The following PCDH9 variants were observed in gnomAD, a reference collection of about 807,000 sequenced individuals.
PCDH9 encodes protocadherin-9.
A neutral mutation model predicts 70.6 loss-of-function variants in PCDH9; 24 were observed. The observed-to-expected ratio is 0.34, with a 90% CI of 0.25 to 0.48. The LOEUF is 0.48. PCDH9 is among the 20% of genes least tolerant of loss of function. The pLI, the probability that PCDH9 is intolerant of heterozygous loss-of-function variation, is 0.99. For missense variants in PCDH9, 1,281 were observed against 1,503.6 expected, an observed-to-expected ratio of 0.85 and a Z score of 2.45; for synonymous variants, 562 against 558.5, an observed-to-expected ratio of 1.01 and a Z score of -0.09.
At chr13:66,369,211 T>A (rs550599401) in intron 4 of PCDH9, among the ~76,000 whole-genome samples, 5 of 152,248 alleles carry the variant, frequency 3.3e-5, no homozygotes, top group African/African-American at 1.2e-4. Context: ...TGCAACTACA[T>A]AGATACTTTG....
intron 4 of PCDH9, among the ~76,000 whole-genome samples, chr13:66,423,399 C>T (rs1047614459): frequency 6.6e-6 from 1 of 151,664 alleles, no homozygotes; most frequent in Admixed American, 6.6e-5. Context: ...AGGCTAATAT[C>T]CCTGATGAAC....
intron 2 of PCDH9, among the ~76,000 whole-genome samples, chr13:66,943,845 C>T (rs2083045276): frequency 6.6e-6 from 1 of 151,956 alleles, no homozygotes; most frequent in African/African-American, 2.4e-5. Context: ...CCAATATGGG[C>T]CAGGAAGCTT....
intron 4 of PCDH9, among the ~76,000 whole-genome samples, chr13:66,535,009 C>T (rs1482859528): frequency 6.6e-6 from 1 of 152,000 alleles, no homozygotes; most frequent in African/African-American, 2.4e-5. Context: ...CTAAATGGCT[C>T]TGTAATAAAG....
At chr13:67,119,045 T>A (rs1378046328) in intron 2 of PCDH9, among the ~76,000 whole-genome samples, 4 of 152,106 alleles carry the variant, frequency 2.6e-5, no homozygotes, top group African/African-American at 9.7e-5. Flanking sequence ...CTGTGTAAGA[T>A]CATGTTTAGA....
intron 3 of PCDH9, among the ~76,000 whole-genome samples, chr13:66,773,415 T>G (rs1309075572): frequency 6.6e-6 from 1 of 151,626 alleles, no homozygotes; most frequent in Non-Finnish European, 1.5e-5. Context: ...GATCGCGAGG[T>G]CAGGAGATAG....
intron 4 of PCDH9, among the ~76,000 whole-genome samples, chr13:66,497,973 T>A (rs1289115464): frequency 6.6e-6 from 1 of 150,490 alleles, no homozygotes. Context: ...ACACCCACCA[T>A]GACGCCCAAC....
chr13:66,568,927 G>A (rs1295827347), intron 4 of PCDH9, among the ~76,000 whole-genome samples: 1 of 148,532 alleles, frequency 6.7e-6, no homozygotes, highest in Non-Finnish European at 1.5e-5. Context: ...CAAATACTAA[G>A]TACTATGTAG....
intron 2 of PCDH9, among the ~76,000 whole-genome samples, chr13:66,953,627 C>T (rs901855914): frequency 1.3e-5 from 2 of 152,188 alleles, no homozygotes; most frequent in African/African-American, 2.4e-5. Context: ...ACAAGTCTGT[C>T]CTACCCCTGC....
At chr13:66,890,266 C>T (rs953976105) in intron 3 of PCDH9, among the ~76,000 whole-genome samples, 2 of 151,984 alleles carry the variant, frequency 1.3e-5, no homozygotes, top group African/African-American at 2.4e-5. Flanking sequence ...CCTAGCTACA[C>T]TTTTTAAAAT....
At chr13:66,914,651 T>C (rs1190945367) in intron 2 of PCDH9, among the ~76,000 whole-genome samples, 2 of 152,000 alleles carry the variant, frequency 1.3e-5, no homozygotes, top group East Asian at 3.9e-4. Context: ...GCACATTGAA[T>C]GCTGTAACTT....
At chr13:67,124,803 C>T (rs954720017) in intron 2 of PCDH9, among the ~76,000 whole-genome samples, 6 of 152,090 alleles carry the variant, frequency 3.9e-5, no homozygotes, top group African/African-American at 1.4e-4. Flanking sequence ...TTGAAATATA[C>T]AATGAATCAG....
At position 66,584,539 on chromosome 13, in the gene PCDH9, TTTCAGTTAC is replaced by T. The variant is rs574915291; in HGVS notation, c.3340+46662_3340+46670del. On this transcript the variant is annotated intron_variant, in intron 4 of 4. Coordinates refer to ENST00000377865, the MANE Select transcript of PCDH9 (RefSeq NM_203487.3). ...TCCTTAAATAAGTGATTCATTTAAGTTTCAGTTACTTCAAGATCAATGGATTCATTATGC... is the reference window on the plus strand; with the variant it reads ...TCCTTAAATAAGTGATTCATTTAAGTTTCAAGATCAATGGATTCATTATGC... Among the ~76,000 whole-genome samples the T allele has an allele frequency of 5.9e-4, 90 of 152,294 alleles. 4 individuals are homozygous for T. The South Asian group carries it at 0.019, about 32-fold the overall frequency.
intron 3 of PCDH9, among the ~76,000 whole-genome samples, chr13:66,665,166 G>A (rs2078078485): frequency 6.7e-6 from 1 of 149,898 alleles, no homozygotes; most frequent in Non-Finnish European, 1.5e-5. Flanking sequence ...GAGGGCAACA[G>A]TGAGACCTCG....
At chr13:66,320,064 A>C (rs1166909204) in intron 4 of PCDH9, among the ~76,000 whole-genome samples, 1 of 152,116 alleles carries the variant, frequency 6.6e-6, no homozygotes, top group Non-Finnish European at 1.5e-5. Flanking sequence ...AGTTGATGAA[A>C]AGTGAGCCAG....
At chr13:67,102,399 A>G (rs2138243235) in intron 2 of PCDH9, among the ~76,000 whole-genome samples, 1 of 152,326 alleles carries the variant, frequency 6.6e-6, no homozygotes, top group South Asian at 2.1e-4. Flanking sequence ...CTAAACACAG[A>G]AAGACACTCA....
Position 67,125,637 on chromosome 13 carries a change from A to G in PCDH9, c.3036+99768T>C, listed in dbSNP as rs915548917. Reference sequence around the variant, plus strand: ...TCACCAGCATCCAGTCTAAGCTGCAACTGAAATTTATTTCTTAGTTTTGAA... The same window carrying G: ...TCACCAGCATCCAGTCTAAGCTGCAGCTGAAATTTATTTCTTAGTTTTGAA... On this transcript the variant is annotated intron_variant, in intron 2 of 4. Transcript: ENST00000377865. Among the ~76,000 whole-genome samples, 7 of 152,184 alleles carry G rather than the reference A, an allele frequency of 4.6e-5. No homozygotes were observed. The East Asian group carries it at 1.3e-3, about 29-fold the overall frequency.
At chr13:67,125,510 A>C (rs2086959558) in intron 2 of PCDH9, among the ~76,000 whole-genome samples, 1 of 152,114 alleles carries the variant, frequency 6.6e-6, no homozygotes, top group South Asian at 2.1e-4. Flanking sequence ...GCTACAGAAA[A>C]ATCACAGCAT....
intron 3 of PCDH9, among the ~76,000 whole-genome samples, chr13:66,704,587 T>C (rs2078687907): frequency 6.6e-6 from 1 of 152,154 alleles, no homozygotes; most frequent in Non-Finnish European, 1.5e-5. Flanking sequence ...GAGAGGAAGA[T>C]TTCCAATTCA....
At chr13:66,907,336 G>A (rs1672902980) in intron 2 of PCDH9, among the ~76,000 whole-genome samples, 1 of 152,154 alleles carries the variant, frequency 6.6e-6, no homozygotes, top group Non-Finnish European at 1.5e-5. Flanking sequence ...GATTTATATT[G>A]GGGGGTACAT....
Sources: gnomAD v4.1 joint callset for allele counts (sites outside exome capture counted in the v4.1 genomes callset) on GRCh38, gnomAD v4.1.1 for gene constraint, MANE v1.5 for transcripts, NCBI Gene and HGNC (gene_info 2026-07-23, HGNC 2026-07-21) for gene names.